Variants in JAM3 observed in about 807,000 individuals in gnomAD.
JAM3 encodes junctional adhesion molecule C.
JAM3 carries 31 observed loss-of-function variants against 39.4 expected under a neutral mutation model. The observed-to-expected ratio is 0.79, with a 90% CI of 0.59 to 1.06. JAM3 has a LOEUF of 1.06. JAM3 is among the 50% of genes least tolerant of loss of function. JAM3 has a pLI of 0.00. For synonymous variants in JAM3, 182 were observed against 148.7 expected, an observed-to-expected ratio of 1.22 and a Z score of -1.63; for missense variants, 455 against 391.4, an observed-to-expected ratio of 1.16 and a Z score of -1.37.
At chr11:134,115,586 T>G (rs549012384) in intron 1 of JAM3, among the ~76,000 whole-genome samples, 1 of 152,298 alleles carries the variant, frequency 6.6e-6, no homozygotes, top group African/African-American at 2.4e-5. Flanking sequence ...TGTTTTCTCA[T>G]GATTAGACTT....
intron 8 of JAM3, 149 bp from the exon 9 acceptor site, chr11:134,148,997 A>G: frequency 1.3e-6 from 1 of 770,660 alleles, no homozygotes; most frequent in Non-Finnish European, 2.1e-6. Context: ...CACACACACT[A>G]ATGGGATTTG....
chr11:134,073,556 C>T (rs917044759), intron 1 of JAM3, among the ~76,000 whole-genome samples: 7 of 152,252 alleles, frequency 4.6e-5, no homozygotes, highest in Middle Eastern at 3.4e-3. Flanking sequence ...AGATCATAGT[C>T]TCTAGTTCAG....
chr11:134,109,854 GAACCTTTTCTCT>G, intron 1 of JAM3, among the ~76,000 whole-genome samples: 1 of 152,316 alleles, frequency 6.6e-6, no homozygotes, highest in Non-Finnish European at 1.5e-5. Context: ...GGGAGATACT[GAACCTTTTCTCT>G]ATAGCTGTCT....
intron 1 of JAM3, among the ~76,000 whole-genome samples, chr11:134,108,469 G>A (rs1418943991): frequency 1.3e-5 from 2 of 152,088 alleles, no homozygotes; most frequent in Admixed American, 1.3e-4. Context: ...AAAACCAGAG[G>A]CATTACAAGA....
At chr11:134,075,634 C>G (rs1312759725) in intron 1 of JAM3, among the ~76,000 whole-genome samples, 1 of 152,058 alleles carries the variant, frequency 6.6e-6, no homozygotes, top group Non-Finnish European at 1.5e-5. Flanking sequence ...ACTATGTTCC[C>G]CAGTCTGATC....
At chr11:134,116,500 C>T (rs1942436647) in intron 1 of JAM3, among the ~76,000 whole-genome samples, 1 of 152,084 alleles carries the variant, frequency 6.6e-6, no homozygotes, top group African/African-American at 2.4e-5. Context: ...TTCTTAAAAT[C>T]TTCCAGCTTT....
In JAM3 at chr11:134,148,534, T is replaced by C; in HGVS notation, c.713-13T>C. The C allele has an allele frequency of 6.2e-7, 1 of 1,614,176 alleles. No homozygotes were observed. The highest frequency in any genetic ancestry group is 8.5e-7 in the Non-Finnish European group (1 of 1,180,028). ...TGTGTATCATGGCTTCCACCAAACC[T>C]CCTTTTCTTCAGATGACCTGAACAT... On this transcript the variant is annotated splice_polypyrimidine_tract_variant and intron_variant, in intron 6 of 8. Transcript: ENST00000299106.
chr11:134,106,903 C>T (rs1942201859), intron 1 of JAM3, among the ~76,000 whole-genome samples: 1 of 152,268 alleles, frequency 6.6e-6, no homozygotes. Context: ...ACTAGTTCAA[C>T]CGTTGTGGAA....
intron 1 of JAM3, among the ~76,000 whole-genome samples, chr11:134,070,984 C>CT (rs570167209): frequency 8.7e-4 from 133 of 152,110 alleles, no homozygotes; most frequent in Non-Finnish European, 1.6e-3. Context: ...GTGTAGCTAT[C>CT]TTTTTTTTAG....
chr11:134,109,806 C>G (rs1052970724), intron 1 of JAM3, among the ~76,000 whole-genome samples: 1 of 152,140 alleles, frequency 6.6e-6, no homozygotes, highest in African/African-American at 2.4e-5. Flanking sequence ...TAAATAAATA[C>G]TTTACATAAG....
intron 2 of JAM3, among the ~76,000 whole-genome samples, 195 bp downstream of exon 2, chr11:134,140,111 G>A (rs1291809508): frequency 6.6e-6 from 1 of 152,202 alleles, no homozygotes; most frequent in African/African-American, 2.4e-5. Flanking sequence ...TCCATCAGCT[G>A]TCATCGCACT....
intron 1 of JAM3, chr11:134,124,160 T>C (rs1461598388): frequency 2.1e-6 from 3 of 1,457,052 alleles, no homozygotes; most frequent in Non-Finnish European, 2.9e-6. Context: ...TTCCTTCTTT[T>C]TCAACTGGAG....
At chr11:134,070,020 C>T (rs1346768466) in intron 1 of JAM3, among the ~76,000 whole-genome samples, 3 of 152,202 alleles carry the variant, frequency 2.0e-5, no homozygotes, top group Admixed American at 1.3e-4. Flanking sequence ...TTGGAATTCT[C>T]ATTAGATCCA....
intron 1 of JAM3, among the ~76,000 whole-genome samples, chr11:134,135,482 A>AT (rs1025399412): frequency 6.6e-6 from 1 of 151,820 alleles, no homozygotes; most frequent in Admixed American, 6.6e-5. Flanking sequence ...TAAATACGGT[A>AT]TTTTTTAATC....
chr11:134,111,599 C>G (rs917343225), intron 1 of JAM3, among the ~76,000 whole-genome samples: 2 of 152,108 alleles, frequency 1.3e-5, no homozygotes, highest in African/African-American at 2.4e-5. Flanking sequence ...ATCAGAGTTT[C>G]TCAGCATTCA....
chr11:134,100,412 C>T (rs1942053323), intron 1 of JAM3, among the ~76,000 whole-genome samples: 1 of 152,102 alleles, frequency 6.6e-6, no homozygotes, highest in African/African-American at 2.4e-5. Context: ...GCATTGATGG[C>T]CCAGATGGTG....
At position 134,148,577 on chromosome 11, in the gene JAM3, G is replaced by A. The variant is rs2120384524; in HGVS notation, c.743G>A (p.Gly248Glu). The A allele has an allele frequency of 3.7e-6, 6 of 1,614,144 alleles. No homozygotes were observed. The highest frequency in any genetic ancestry group is 1.7e-4 in the Middle Eastern group (1 of 6,060). Residue 248 changes from glycine to glutamate, a missense_variant, in exon 7 of 9, where the codon GGG becomes GAG. Transcript: ENST00000299106. ...CTGAACATTGGCGGAATTATTGGGG[G>A]GGTTCTGGTTGTCCTTGCTGTACTG... The part of the protein sequence containing the change: ...YDLNIGGIIG[G>E]VLVVLAVLAL...
intron 1 of JAM3, among the ~76,000 whole-genome samples, chr11:134,103,274 T>G (rs1218720182): frequency 6.6e-6 from 1 of 152,016 alleles, no homozygotes; most frequent in African/African-American, 2.4e-5. Context: ...GCTTCATAAG[T>G]GAAGGAGAAA....
intron 1 of JAM3, among the ~76,000 whole-genome samples, chr11:134,077,702 C>CTGGAA (rs1941595851): frequency 7.4e-6 from 1 of 134,788 alleles, no homozygotes; most frequent in African/African-American, 2.9e-5. Context: ...TTCGCCCATG[C>CTGGAA]TGGAATGCAG....
Sources: gnomAD v4.1 joint callset for allele counts (sites outside exome capture counted in the v4.1 genomes callset) on GRCh38, gnomAD v4.1.1 for gene constraint, MANE v1.5 for transcripts, NCBI Gene and HGNC (gene_info 2026-07-23, HGNC 2026-07-21) for gene names.